Variants in ADAMTSL3 observed in about 807,000 individuals in gnomAD.
The protein encoded by ADAMTSL3 is ADAMTS-like protein 3.
In ADAMTSL3, 128 loss-of-function variants were observed where a neutral mutation model predicts 201.7. The ratio of observed to expected loss-of-function variants is 0.63; its 90% CI spans 0.55 to 0.73. The LOEUF (loss-of-function observed/expected upper bound fraction) is 0.73, where lower values mean the gene tolerates loss of function less well. Ranked by LOEUF, ADAMTSL3 falls within the 30% of genes least tolerant of loss-of-function variation. ADAMTSL3 has a pLI of 0.00. For synonymous variants in ADAMTSL3, 738 were observed against 748.4 expected (o/e 0.99, Z 0.23); for missense variants, 1,990 against 2,119.6 (o/e 0.94, Z 1.20).
intron 24 of ADAMTSL3, among the ~76,000 whole-genome samples, chr15:84,015,552 C>T (rs1190253052): frequency 6.6e-6 from 1 of 152,126 alleles, no homozygotes; most frequent in Admixed American, 6.5e-5. Flanking sequence ...GCCTTGGGCT[C>T]ATAAAGAGTT....
At chr15:83,992,923 C>T (rs1259940738) in intron 23 of ADAMTSL3, among the ~76,000 whole-genome samples, 3 of 152,202 alleles carry the variant, frequency 2.0e-5, no homozygotes, top group Non-Finnish European at 4.4e-5. Context: ...CTCATCTCTC[C>T]CCTTCCTCCC....
intron 28 of ADAMTSL3, among the ~76,000 whole-genome samples, chr15:84,035,050 TATG>T (rs1300952343): frequency 1.3e-5 from 2 of 152,090 alleles, no homozygotes; most frequent in African/African-American, 2.4e-5. Flanking sequence ...TTTTATTTAT[TATG>T]ATTTTTTCTA....
chr15:83,841,410 G>A (rs1047590731), intron 7 of ADAMTSL3, among the ~76,000 whole-genome samples: 1 of 152,214 alleles, frequency 6.6e-6, no homozygotes, highest in African/African-American at 2.4e-5. Flanking sequence ...TAAGTCCTGG[G>A]TCTGTTGCTT....
intron 19 of ADAMTSL3, chr15:83,962,068 C>T (rs751119521): frequency 1.1e-4 from 17 of 152,136 alleles, no homozygotes; most frequent in Non-Finnish European, 2.2e-4. Context: ...CAGTTTCCCT[C>T]ATACTGTTCT....
rs1321552560 is a variant in ADAMTSL3 at position 83,892,755 on chromosome 15, G to T, written c.1334G>T (p.Cys445Phe). 2 of 1,613,988 alleles carry T rather than the reference G, an allele frequency of 1.2e-6. No individual in the cohort carries two copies. Among genetic ancestry groups the T allele is most frequent in the Non-Finnish European group, 8.5e-7 (1 of 1,180,002 alleles). Residue 445 changes from cysteine (C) to phenylalanine (F), a missense_variant, in exon 13 of 30, where the codon TGT (cysteine) becomes TTT (phenylalanine). Physicochemically the swap from Cys to Phe is radical, Grantham distance 205 (BLOSUM62 -2). Transcript: ENST00000286744. ...GGGATTCAGAGACGGAGCTTTGTGT[G>T]TGTAGAGGAATCCATGCATGGAGAG... ...GGGIQRRSFV[C>F]VEESMHGEIL...
intron 2 of ADAMTSL3, among the ~76,000 whole-genome samples, chr15:83,686,017 T>C (rs76802939): frequency 6.6e-6 from 1 of 151,966 alleles, no homozygotes; most frequent in Non-Finnish European, 1.5e-5. Flanking sequence ...CCCTCCTCCT[T>C]CTCCTGGTCT....
At chr15:83,755,804 A>T (rs995795902) in intron 3 of ADAMTSL3, among the ~76,000 whole-genome samples, 1 of 150,864 alleles carries the variant, frequency 6.6e-6, no homozygotes, top group Non-Finnish European at 1.5e-5. Flanking sequence ...CCCAGGCTGG[A>T]GTGCAGTGGC....
intron 3 of ADAMTSL3, among the ~76,000 whole-genome samples, chr15:83,756,897 C>A (rs569957539): frequency 6.6e-6 from 1 of 152,210 alleles, no homozygotes; most frequent in Admixed American, 6.5e-5. Context: ...GCAGTCAAAT[C>A]TTAAAGCTCC....
chr15:83,740,305 G>C (rs1314385462), intron 3 of ADAMTSL3: 1 of 152,206 alleles, frequency 6.6e-6, no homozygotes, highest in Non-Finnish European at 1.5e-5. Context: ...GAAATCATAT[G>C]GTTTATTTTC....
intron 3 of ADAMTSL3, among the ~76,000 whole-genome samples, chr15:83,713,248 A>T (rs2061956500): frequency 6.6e-6 from 1 of 152,212 alleles, no homozygotes; most frequent in African/African-American, 2.4e-5. Context: ...TAGTGGGGGA[A>T]CCCTCAATGT....
chr15:84,024,658 A>C (rs2141920212), intron 26 of ADAMTSL3, among the ~76,000 whole-genome samples: 1 of 152,348 alleles, frequency 6.6e-6, no homozygotes, highest in African/African-American at 2.4e-5. Flanking sequence ...AAAGGTGTCC[A>C]GCTCCAAGTT....
chr15:83,832,131 G>T (rs1316297974), intron 6 of ADAMTSL3, among the ~76,000 whole-genome samples: 3 of 152,124 alleles, frequency 2.0e-5, no homozygotes, highest in Admixed American at 2.0e-4. Flanking sequence ...GTGAGATATT[G>T]TTTGATGGCC....
chr15:83,713,469 T>C (rs1190129651), intron 3 of ADAMTSL3, among the ~76,000 whole-genome samples: 1 of 152,188 alleles, frequency 6.6e-6, no homozygotes, highest in Non-Finnish European at 1.5e-5. Flanking sequence ...GCAGGTTTGC[T>C]ATAAGAATGG....
chr15:83,781,972 GA>G (rs2063176929), intron 4 of ADAMTSL3, among the ~76,000 whole-genome samples: 1 of 152,198 alleles, frequency 6.6e-6, no homozygotes, highest in African/African-American at 2.4e-5. Context: ...CTGTTGGTGG[GA>G]GTGTAAATTA....
chr15:83,679,099 G>A (rs144606926), intron 2 of ADAMTSL3, among the ~76,000 whole-genome samples: 55 of 151,504 alleles, frequency 3.6e-4, no homozygotes, highest in African/African-American at 1.3e-3. Context: ...TGTCATCTCA[G>A]TGTGCTAAAA....
intron 18 of ADAMTSL3, 31 bp from the exon 19 acceptor site, chr15:83,942,872 C>T (rs1387054375): frequency 1.9e-6 from 3 of 1,606,362 alleles, no homozygotes; most frequent in East Asian, 4.5e-5. Context: ...GTGGGCCAAG[C>T]CTGCCGCCTC....
At chr15:83,789,313 G>A (rs1489852348) in intron 4 of ADAMTSL3, among the ~76,000 whole-genome samples, 1 of 151,968 alleles carries the variant, frequency 6.6e-6, no homozygotes, top group African/African-American at 2.4e-5. Context: ...ATAGAATTCT[G>A]TCCCTGATTC....
chr15:83,745,241 C>T (rs574934571), intron 3 of ADAMTSL3, among the ~76,000 whole-genome samples: 4 of 152,310 alleles, frequency 2.6e-5, no homozygotes, highest in African/African-American at 9.6e-5. Flanking sequence ...GAGACACTTT[C>T]GTCGGCAATA....
At chr15:83,767,431 C>T (rs1233950186) in intron 3 of ADAMTSL3, among the ~76,000 whole-genome samples, 1 of 152,142 alleles carries the variant, frequency 6.6e-6, no homozygotes, top group Non-Finnish European at 1.5e-5. Context: ...ATAATAACAA[C>T]ATGGAATTTA....
Sources: gnomAD v4.1 joint callset for allele counts (sites outside exome capture counted in the v4.1 genomes callset) on GRCh38, gnomAD v4.1.1 for gene constraint, MANE v1.5 for transcripts, NCBI Gene and HGNC (gene_info 2026-07-23, HGNC 2026-07-21) for gene names.